The following EBF1 variants were observed in gnomAD, a reference collection of about 807,000 sequenced individuals.
The protein encoded by EBF1 is EBF transcription factor 1.
Under a neutral mutation model 68.4 loss-of-function variants are expected in EBF1, and 10 were observed. That is an observed-to-expected ratio of 0.15 (90% CI 0.09 to 0.25). EBF1 has a LOEUF of 0.25. EBF1 is among the 10% of genes least tolerant of loss of function. The pLI is 1.00. For synonymous variants in EBF1, 298 were observed against 299.8 expected, an observed-to-expected ratio of 0.99 and a Z score of 0.06; for missense variants, 509 against 794.4, an observed-to-expected ratio of 0.64 and a Z score of 4.32.
At chr5:159,053,295 T>C (rs575415281) in intron 6 of EBF1, among the ~76,000 whole-genome samples, 1 of 152,256 alleles carries the variant, frequency 6.6e-6, no homozygotes, top group South Asian at 2.1e-4. Context: ...GCTGTAAGGA[T>C]TAAATGAGAG....
intron 6 of EBF1, among the ~76,000 whole-genome samples, chr5:158,930,486 G>A (rs35783415): frequency 0.53 from 79,906 of 151,938 alleles, 21,822 homozygotes; most frequent in South Asian, 0.74. Flanking sequence ...ATGCCCTGGA[G>A]GTAAAGCTAT....
chr5:158,836,249 T>C (rs1455702657), intron 7 of EBF1, among the ~76,000 whole-genome samples: 1 of 152,174 alleles, frequency 6.6e-6, no homozygotes, highest in Non-Finnish European at 1.5e-5. Context: ...GAGATTCTGA[T>C]ACCAGAGTTC....
intron 6 of EBF1, among the ~76,000 whole-genome samples, chr5:158,955,692 C>T (rs954422800): frequency 1.1e-4 from 17 of 152,172 alleles, no homozygotes; most frequent in African/African-American, 3.6e-4. Flanking sequence ...CTTACAGGGA[C>T]GCATCATTTC....
intron 6 of EBF1, among the ~76,000 whole-genome samples, chr5:159,067,104 G>A (rs1776965893): frequency 1.3e-5 from 2 of 152,152 alleles, no homozygotes; most frequent in South Asian, 4.1e-4. Flanking sequence ...AGAGGGAAAT[G>A]AGGAAATGAG....
At chr5:159,008,560 T>C (rs1449816610) in intron 6 of EBF1, among the ~76,000 whole-genome samples, 1 of 151,498 alleles carries the variant, frequency 6.6e-6, no homozygotes, top group African/African-American at 2.4e-5. Flanking sequence ...CTTGCTCTGT[T>C]ATGAAGGCAG....
intron 6 of EBF1, among the ~76,000 whole-genome samples, chr5:158,869,669 C>A (rs1227677060): frequency 6.6e-6 from 1 of 151,720 alleles, no homozygotes; most frequent in Non-Finnish European, 1.5e-5. Context: ...CTACCCAAAT[C>A]CAAGGTCTCC....
At chr5:158,922,796 A>G (rs917233287) in intron 6 of EBF1, among the ~76,000 whole-genome samples, 1 of 152,218 alleles carries the variant, frequency 6.6e-6, no homozygotes, top group African/African-American at 2.4e-5. Flanking sequence ...GAATTGAGAA[A>G]GCCTGAGCCA....
chr5:158,975,664 C>A (rs1756587569), intron 6 of EBF1, among the ~76,000 whole-genome samples: 1 of 152,100 alleles, frequency 6.6e-6, no homozygotes, highest in Admixed American at 6.5e-5. Context: ...AAGCAACCTA[C>A]AAATGGAAGT....
Position 158,789,545 on chromosome 5 carries a change from C to A in EBF1, c.909+6800G>T, listed in dbSNP as rs143254222. On this transcript the variant is annotated intron_variant, in intron 9 of 15. Coordinates refer to ENST00000313708, the MANE Select transcript of EBF1 (RefSeq NM_024007.5). ...GCCCATGGAAATTTCATGAGAAAATCTGGTATAACCAAAAGCTGAATGGGG... is the reference window on the plus strand; with the variant it reads ...GCCCATGGAAATTTCATGAGAAAATATGGTATAACCAAAAGCTGAATGGGG... Among the ~76,000 whole-genome samples the A allele has an allele frequency of 3.0e-3, 462 of 152,240 alleles. 3 individuals carry two copies. Among genetic ancestry groups the A allele is most frequent in the African/African-American group, 0.01 (436 of 41,542 alleles).
chr5:158,749,477 A>G (rs945074714), intron 10 of EBF1, among the ~76,000 whole-genome samples: 1 of 152,132 alleles, frequency 6.6e-6, no homozygotes, highest in Non-Finnish European at 1.5e-5. Flanking sequence ...CTAACTCACT[A>G]TATTCCTGGC....
At chr5:158,897,475 A>T (rs926144786) in intron 6 of EBF1, among the ~76,000 whole-genome samples, 7 of 152,176 alleles carry the variant, frequency 4.6e-5, no homozygotes, top group African/African-American at 1.7e-4. Context: ...ACTAGGCTTA[A>T]TACCTGGATG....
chr5:158,794,139 G>A (rs1441939312), intron 9 of EBF1, among the ~76,000 whole-genome samples: 2 of 152,144 alleles, frequency 1.3e-5, no homozygotes, highest in Admixed American at 1.3e-4. Context: ...AGAGCAGCAC[G>A]AAAGCAGGGG....
Position 158,731,052 on chromosome 5 carries a change from A to G in EBF1, c.1125+17T>C, listed in dbSNP as rs752679304. The G allele has an allele frequency of 3.7e-6, 6 of 1,605,694 alleles. No individual in the cohort carries two copies. In the East Asian group the frequency reaches 1.3e-4, roughly 36 times the overall value. Reference sequence around the variant, plus strand: ...AAGTCCAAATTTTCAGGAATTACAAAAAGGCAGTATCCTCACCTTTGGCAA... The same window carrying G: ...AAGTCCAAATTTTCAGGAATTACAAGAAGGCAGTATCCTCACCTTTGGCAA... On this transcript the variant is annotated intron_variant, in intron 11 of 15. Coordinates refer to ENST00000313708, the MANE Select transcript of EBF1 (RefSeq NM_024007.5).
intron 15 of EBF1, among the ~76,000 whole-genome samples, chr5:158,700,661 C>T (rs1239364772): frequency 6.7e-6 from 1 of 148,930 alleles, no homozygotes; most frequent in African/African-American, 2.5e-5. Context: ...AAATGAAACC[C>T]AAAAAGTATT....
At chr5:158,831,928 G>A (rs938349299) in intron 7 of EBF1, among the ~76,000 whole-genome samples, 1 of 152,170 alleles carries the variant, frequency 6.6e-6, no homozygotes, top group African/African-American at 2.4e-5. Context: ...AAAAATGAAG[G>A]AAGGCCAATG....
chr5:158,990,804 A>G (rs1400408833), intron 6 of EBF1, among the ~76,000 whole-genome samples: 1 of 152,244 alleles, frequency 6.6e-6, no homozygotes, highest in Non-Finnish European at 1.5e-5. Context: ...TACTATTCCT[A>G]TAATGTGATC....
intron 4 of EBF1, among the ~76,000 whole-genome samples, chr5:159,088,946 C>A (rs1721112304): frequency 6.6e-6 from 1 of 151,980 alleles, no homozygotes; most frequent in South Asian, 2.1e-4. Context: ...AAATAAATCC[C>A]TTAAGGTGAC....
intron 9 of EBF1, among the ~76,000 whole-genome samples, chr5:158,784,801 T>C (rs1476161642): frequency 6.6e-6 from 1 of 152,186 alleles, no homozygotes; most frequent in Non-Finnish European, 1.5e-5. Context: ...AGAAAAAGCC[T>C]AAAGTGGGCA....
At chr5:158,805,231 T>C (rs549953420) in intron 8 of EBF1, among the ~76,000 whole-genome samples, 1 of 152,274 alleles carries the variant, frequency 6.6e-6, no homozygotes, top group Middle Eastern at 3.4e-3. Flanking sequence ...ATTTAAGTCT[T>C]TATTCACAAG....
Sources: gnomAD v4.1 joint callset for allele counts (sites outside exome capture counted in the v4.1 genomes callset) on GRCh38, gnomAD v4.1.1 for gene constraint, MANE v1.5 for transcripts, NCBI Gene and HGNC (gene_info 2026-07-23, HGNC 2026-07-21) for gene names.